Variants in FTO observed in about 807,000 individuals in gnomAD.
FTO encodes the protein FTO alpha-ketoglutarate dependent dioxygenase.
In FTO, 47 loss-of-function variants were observed where a neutral mutation model predicts 63.9. The ratio of observed to expected loss-of-function variants is 0.74; its 90% CI spans 0.58 to 0.94. The LOEUF is 0.94. FTO is among the 40% of genes least tolerant of loss of function. The pLI, the probability that FTO is intolerant of heterozygous loss-of-function variation, is 0.00. For missense variants in FTO, 562 were observed against 618.1 expected (o/e 0.91, Z 0.96); for synonymous variants, 207 against 224.4 (o/e 0.92, Z 0.69).
intron 8 of FTO, among the ~76,000 whole-genome samples, chr16:54,068,332 AC>A (rs1332320908): frequency 1.3e-5 from 2 of 151,898 alleles, no homozygotes; most frequent in Non-Finnish European, 2.9e-5. Context: ...AGCAAATAGG[AC>A]TTTTTTCCTT....
intron 8 of FTO, chr16:54,071,787 G>A (rs1433658685): frequency 6.6e-6 from 1 of 152,122 alleles, no homozygotes; most frequent in East Asian, 1.9e-4. Context: ...AAATATTGAT[G>A]TAAACATGTT....
At chr16:53,975,888 A>G (rs1480426253) in intron 8 of FTO, among the ~76,000 whole-genome samples, 1 of 152,150 alleles carries the variant, frequency 6.6e-6, no homozygotes, top group African/African-American at 2.4e-5. Context: ...CAACCCTATG[A>G]GTAGGTGCTA....
chr16:53,758,155 G>C (rs906255265), intron 1 of FTO, among the ~76,000 whole-genome samples: 1 of 152,208 alleles, frequency 6.6e-6, no homozygotes, highest in African/African-American at 2.4e-5. Context: ...GGAGACAGCA[G>C]GGACTGGTGG....
At chr16:53,725,505 A>G (rs1221706786) in intron 1 of FTO, among the ~76,000 whole-genome samples, 1 of 152,228 alleles carries the variant, frequency 6.6e-6, no homozygotes, top group African/African-American at 2.4e-5. Flanking sequence ...TTTATGCACC[A>G]TAATTTCTAT....
chr16:53,956,157 C>A (rs920204224), intron 8 of FTO, among the ~76,000 whole-genome samples: 1 of 152,116 alleles, frequency 6.6e-6, no homozygotes, highest in South Asian at 2.1e-4. Context: ...TAACTATTGA[C>A]AAAACTTCAG....
At chr16:53,896,800 C>A (rs2151918603) in intron 7 of FTO, among the ~76,000 whole-genome samples, 1 of 152,286 alleles carries the variant, frequency 6.6e-6, no homozygotes, top group South Asian at 2.1e-4. Flanking sequence ...AGCTGGGGTT[C>A]AGTCCAGGAG....
At chr16:53,742,922 C>T (rs1357975096) in intron 1 of FTO, among the ~76,000 whole-genome samples, 1 of 152,038 alleles carries the variant, frequency 6.6e-6, no homozygotes, top group Non-Finnish European at 1.5e-5. Context: ...TAACTGGAGC[C>T]CCTGGTCTCT....
chr16:53,949,862 TA>T (rs2082729939), intron 8 of FTO, among the ~76,000 whole-genome samples: 1 of 152,106 alleles, frequency 6.6e-6, no homozygotes, highest in Admixed American at 6.6e-5. Flanking sequence ...AGAGGAAAAT[TA>T]AGTGGCAAAC....
rs1026398630 is a variant in FTO, at chr16:54,076,915, T to C, written c.1365-34847T>C. 4.6e-5 allele frequency among the ~76,000 whole-genome samples: 7 copies of C among 152,310 alleles called. No homozygotes were observed. The East Asian group carries it at 1.2e-3, about 25-fold the overall frequency. ...AACGATGAGGCATAACCACCACTCT[T>C]TTTGAAAGCTCTTATTTTTTATATT... On this transcript the variant is annotated intron_variant, in intron 8 of 8. Transcript: ENST00000471389.
intron 8 of FTO, among the ~76,000 whole-genome samples, chr16:53,955,903 G>C (rs927671002): frequency 1.3e-5 from 2 of 152,066 alleles, no homozygotes; most frequent in Non-Finnish European, 2.9e-5. Flanking sequence ...CAGGGCTTTG[G>C]AAGGCCAAGG....
At position 54,121,260 on chromosome 16, in the gene FTO, T is replaced by TAAG. The variant is rs1454395409; in HGVS notation, c.*9346_*9348dup. 9 of 152,332 alleles carry TAAG rather than the reference T, an allele frequency of 5.9e-5. No individual in the cohort carries two copies. Among genetic ancestry groups the TAAG allele is most frequent in the Admixed American group, 5.9e-4 (9 of 15,300 alleles). The allele number at this position is 152,332 out of a possible 1,614,324, so 9.4% of individuals were successfully genotyped here. ...TTGTATCACCTGTGATCGTGCCTAT[T>TAAG]AAGCAATTAACGTCATGTCTAGTAC... On this transcript the variant is annotated 3_prime_UTR_variant, in exon 9 of 9. Coordinates refer to ENST00000471389, the MANE Select transcript of FTO (RefSeq NM_001080432.3).
rs548877858 is a variant in FTO, at chr16:54,109,501, T to C, written c.1365-2261T>C. 7.2e-5 allele frequency among the ~76,000 whole-genome samples: 11 copies of C among 152,276 alleles called. No individual in the cohort carries two copies. The South Asian group carries it at 1.2e-3, about 17-fold the overall frequency. On this transcript the variant is annotated intron_variant, in intron 8 of 8. Transcript: ENST00000471389. ...TGGCACTACCATGCCCAGCTAACTT[T>C]TGTGTTTTTTAGTAGAGACAGGGTT... is the stretch of plus-strand genomic sequence containing the variant.
At chr16:53,978,986 G>A (rs529194911) in intron 8 of FTO, among the ~76,000 whole-genome samples, 4 of 151,636 alleles carry the variant, frequency 2.6e-5, no homozygotes, top group South Asian at 2.1e-4. Context: ...GAGGTAGAGC[G>A]AGACTCTGTC....
intron 8 of FTO, among the ~76,000 whole-genome samples, chr16:54,061,058 T>C (rs1360803035): frequency 6.6e-6 from 1 of 152,206 alleles, no homozygotes; most frequent in African/African-American, 2.4e-5. Flanking sequence ...TTTATTCTTA[T>C]TGCATTTAGT....
At chr16:53,727,020 A>G (rs2076170839) in intron 1 of FTO, among the ~76,000 whole-genome samples, 1 of 152,246 alleles carries the variant, frequency 6.6e-6, no homozygotes. Context: ...AGTGCTGAAT[A>G]TATCTTCAAT....
At chr16:54,011,707 A>G (rs186014178) in intron 8 of FTO, among the ~76,000 whole-genome samples, 78 of 152,348 alleles carry the variant, frequency 5.1e-4, no homozygotes, top group African/African-American at 1.8e-3. Flanking sequence ...AAAAAACAAA[A>G]GAAACGATAT....
chr16:54,062,570 G>T (rs56771237), intron 8 of FTO, among the ~76,000 whole-genome samples: 11,279 of 152,164 alleles, frequency 0.074, 650 homozygotes, highest in African/African-American at 0.15. Context: ...TAGAGACCTC[G>T]GAAGCTGCTG....
At chr16:53,830,852 C>T (rs926492002) in intron 3 of FTO, among the ~76,000 whole-genome samples, 6 of 152,006 alleles carry the variant, frequency 3.9e-5, no homozygotes, top group Middle Eastern at 6.8e-3. Context: ...GCTGAGATTG[C>T]GCCACTGTAC....
At chr16:53,748,817 G>T (rs1282956278) in intron 1 of FTO, among the ~76,000 whole-genome samples, 1 of 152,040 alleles carries the variant, frequency 6.6e-6, no homozygotes, top group African/African-American at 2.4e-5. Flanking sequence ...AGGCTGGAGT[G>T]CAGTGGTGCG....
Sources: gnomAD v4.1 joint callset for allele counts (sites outside exome capture counted in the v4.1 genomes callset) on GRCh38, gnomAD v4.1.1 for gene constraint, MANE v1.5 for transcripts, NCBI Gene and HGNC (gene_info 2026-07-23, HGNC 2026-07-21) for gene names.